Variants in INKA2 observed in about 807,000 individuals in gnomAD.
The protein encoded by INKA2 is inka box actin regulator 2, also known as PAK4-inhibitor INKA2.
Under a neutral mutation model 9.8 loss-of-function variants are expected in INKA2, and 3 were observed. The ratio of observed to expected loss-of-function variants is 0.31; its 90% CI spans 0.14 to 0.79. INKA2 has a LOEUF of 0.79. INKA2 is among the 30% of genes least tolerant of loss of function. INKA2 has a pLI of 0.62. For missense variants in INKA2, 392 were observed against 384.4 expected (o/e 1.02, Z -0.17); for synonymous variants, 147 against 143.3 (o/e 1.03, Z -0.18).
chr1:111,746,741 C>T (rs569099434), intron 1 of INKA2: 1 of 152,264 alleles, frequency 6.6e-6, no homozygotes, highest in Non-Finnish European at 1.5e-5. Flanking sequence ...CTTCCAAAAC[C>T]TTGGGAGGTA....
chr1:111,726,355 C>A lies in INKA2; in HGVS notation c.*613G>T, dbSNP rs976181964. 4 of 328,042 alleles carry A rather than the reference C, an allele frequency of 1.2e-5. No homozygotes were observed. Among genetic ancestry groups the A allele is most frequent in the Non-Finnish European group, 2.2e-5 (4 of 182,476 alleles). The allele number at this position is 328,042 out of a possible 1,614,324, so 20.3% of individuals were successfully genotyped here. The stretch of plus-strand genomic sequence containing the variant: ...TACACACTGTACTCCTTATTCAGCT[C>A]ATTTTCTCAGAGTCCAGGTATGGAC... On this transcript the variant is annotated 3_prime_UTR_variant, in exon 2 of 2. Coordinates refer to ENST00000357260, the MANE Select transcript of INKA2 (RefSeq NM_019099.5).
In INKA2 at chr1:111,726,850, G is replaced by A; in HGVS notation, c.*118C>T. 1.9e-6 allele frequency: 2 copies of A among 1,064,994 alleles called. No homozygotes were observed. Among genetic ancestry groups the A allele is most frequent in the African/African-American group, 1.6e-5 (1 of 62,970 alleles). 66.0% of individuals were successfully genotyped at this position (1,064,994 alleles called of 1,614,324 possible). ...ACTCTGGCTTCTCCCCGCTTTCTGG[G>A]GGAAAGGAACTTGGAGTTGGGCTTT... is the stretch of plus-strand genomic sequence containing the variant. On this transcript the variant is annotated 3_prime_UTR_variant, in exon 2 of 2. Transcript: ENST00000357260.
chr1:111,745,456 C>G (rs560430119), intron 1 of INKA2: 2 of 149,828 alleles, frequency 1.3e-5, no homozygotes, highest in Non-Finnish European at 3.0e-5. Context: ...GCCACCATGC[C>G]CAGTATATAT....
At chr1:111,755,325 G>A (rs971454614) in intron 1 of INKA2, 6 of 275,902 alleles carry the variant, frequency 2.2e-5, no homozygotes, top group Admixed American at 1.6e-4. Flanking sequence ...GACTTGCTAG[G>A]AGATAAATGG....
intron 1 of INKA2, chr1:111,752,978 G>T (rs1571605434): frequency 6.6e-6 from 1 of 152,472 alleles, no homozygotes; most frequent in Non-Finnish European, 1.5e-5. Context: ...GATCACAGGC[G>T]TGAGCCACCG....
intron 1 of INKA2, 100 bp downstream of exon 1, chr1:111,739,086 C>T (rs1663077211): frequency 2.5e-6 from 3 of 1,185,024 alleles, no homozygotes; most frequent in Admixed American, 1.9e-5. Flanking sequence ...GGCCCTCCTC[C>T]GCCCTGCTTA....
intron 1 of INKA2, among the ~76,000 whole-genome samples, chr1:111,751,402 G>C (rs111905633): frequency 1.1e-4 from 16 of 152,202 alleles, no homozygotes; most frequent in Non-Finnish European, 5.9e-5. Flanking sequence ...TTTTACACCA[G>C]CTTGTGCTAC....
chr1:111,727,978 A>C (rs1356248187), intron 1 of INKA2, 174 bp from the exon 2 acceptor site: 12 of 649,914 alleles, frequency 1.8e-5, no homozygotes, highest in Non-Finnish European at 2.9e-5. Flanking sequence ...GGTAAAGGAA[A>C]TAATAATGGT....
intron 1 of INKA2, chr1:111,753,737 G>A (rs1260784059): frequency 6.6e-6 from 1 of 152,212 alleles, no homozygotes; most frequent in African/African-American, 2.4e-5. Context: ...GGTGCTTGGT[G>A]CTGGCCTGGA....
intron 1 of INKA2, among the ~76,000 whole-genome samples, chr1:111,737,381 G>T (rs1173748194): frequency 6.6e-6 from 1 of 152,112 alleles, no homozygotes; most frequent in African/African-American, 2.4e-5. Context: ...TATAAAAAAT[G>T]CAAATCAGTA....
Position 111,727,092 on chromosome 1 carries a change from G to A in INKA2, c.770C>T (p.Ser257Phe). 6.2e-7 allele frequency: 1 copy of A among 1,614,204 alleles called. No individual in the cohort carries two copies. Among genetic ancestry groups the A allele is most frequent in the South Asian group, 1.1e-5 (1 of 91,088 alleles). ...GGTGCCTGGGAAGGGGAAATGTCCA[G>A]AGCCCTTGGAAAGGCTCCGCTTCTT... Reference protein sequence around the residue: ...KVKKRSLSKGSGHFPFPGTGE... With the variant: ...KVKKRSLSKGFGHFPFPGTGE... The change falls in exon 2 of 2, where the codon TCT (serine) becomes TTT (phenylalanine). Residue 257 changes from serine to phenylalanine, a missense_variant. Physicochemically the swap from Ser to Phe is radical, Grantham distance 155. Transcript: ENST00000357260.
upstream of INKA2, among the ~76,000 whole-genome samples, chr1:111,741,798 C>T (rs1399412825): frequency 6.6e-6 from 1 of 152,206 alleles, no homozygotes; most frequent in Non-Finnish European, 1.5e-5. Context: ...TCACTGCAAC[C>T]TCTACCTCCC....
rs1197647439 is a variant in INKA2 at position 111,726,701 on chromosome 1, A to ACACACACATG, written c.*257_*266dup. 1 of 485,156 alleles carries ACACACACATG rather than the reference A, an allele frequency of 2.1e-6. No homozygotes were observed. Among genetic ancestry groups the ACACACACATG allele is most frequent in the Non-Finnish European group, 3.7e-6 (1 of 272,196 alleles). The allele number at this position is 485,156 out of a possible 1,614,324, so 30.1% of individuals were successfully genotyped here. On this transcript the variant is annotated 3_prime_UTR_variant, in exon 2 of 2. Transcript: ENST00000357260. ...AAGTGAGTGCATGCATGCCAGACAG[A>ACACACACATG]CACACACATGCACACACACACACAC...
upstream of INKA2, among the ~76,000 whole-genome samples, chr1:111,741,133 G>T (rs140284134): frequency 1.7e-3 from 255 of 151,646 alleles, 1 homozygote; most frequent in Middle Eastern, 6.8e-3. Context: ...GAGAGAAACA[G>T]AATTAATCTT....
chr1:111,741,253 T>C (rs566722349), upstream of INKA2, among the ~76,000 whole-genome samples: 425 of 152,260 alleles, frequency 2.8e-3, no homozygotes, highest in Non-Finnish European at 5.0e-3. Context: ...AGTGTCCCTC[T>C]GGGCGAAGCT....
At chr1:111,754,827 T>A (rs930433880) in intron 1 of INKA2, 1 of 152,202 alleles carries the variant, frequency 6.6e-6, no homozygotes, top group Non-Finnish European at 1.5e-5. Flanking sequence ...ACAGAATAGG[T>A]TCTTGTCCTC....
At chr1:111,729,969 TC>T (rs1662870822) in intron 1 of INKA2, among the ~76,000 whole-genome samples, 3 of 152,200 alleles carry the variant, frequency 2.0e-5, no homozygotes, top group African/African-American at 7.2e-5. Context: ...CTGTGCACTT[TC>T]CCCAAGACAG....
chr1:111,748,932 T>A (rs1390166826), intron 1 of INKA2, among the ~76,000 whole-genome samples: 1 of 152,204 alleles, frequency 6.6e-6, no homozygotes, highest in Non-Finnish European at 1.5e-5. Flanking sequence ...TAAGAATAGA[T>A]GCGGGAGGAT....
At chr1:111,730,780 CA>C (rs112439782) in intron 1 of INKA2, among the ~76,000 whole-genome samples, 5,697 of 152,284 alleles carry the variant, frequency 0.037, 325 homozygotes, top group African/African-American at 0.13. Flanking sequence ...TCCTTGAGGA[CA>C]GGGGCTGAGA....
Sources: gnomAD v4.1 joint callset for allele counts (sites outside exome capture counted in the v4.1 genomes callset) on GRCh38, gnomAD v4.1.1 for gene constraint, MANE v1.5 for transcripts, NCBI Gene and HGNC (gene_info 2026-07-23, HGNC 2026-07-21) for gene names.